FAP: variants seen among roughly 807,000 people sequenced by gnomAD.
FAP encodes fibroblast activation protein alpha.
A neutral mutation model predicts 126.5 loss-of-function variants in FAP; 110 were observed. That is an observed-to-expected ratio of 0.87 (90% confidence interval 0.74 to 1.02). FAP has a LOEUF of 1.02. FAP is among the 50% of genes least tolerant of loss of function. FAP has a pLI of 0.00. For synonymous variants in FAP, 334 were observed against 297.3 expected (o/e 1.12, Z -1.27); for missense variants, 919 against 909.2 (o/e 1.01, Z -0.14).
chr2:162,215,213 T>G (rs1281869784), intron 10 of FAP, among the ~76,000 whole-genome samples: 1 of 152,226 alleles, frequency 6.6e-6, no homozygotes, highest in Non-Finnish European at 1.5e-5. Flanking sequence ...TTGGCTCTTC[T>G]TCGTGAAGCA....
chr2:162,239,204 G>T (rs1457733164), intron 2 of FAP, among the ~76,000 whole-genome samples: 2 of 151,552 alleles, frequency 1.3e-5, no homozygotes, highest in Non-Finnish European at 2.9e-5. Context: ...GCTAATTTTT[G>T]TATTTTTTTT....
chr2:162,233,336 A>G (rs1689976406), intron 2 of FAP, among the ~76,000 whole-genome samples: 1 of 151,712 alleles, frequency 6.6e-6, no homozygotes, highest in African/African-American at 2.4e-5. Context: ...AACCCTGTCT[A>G]CTGCTTGTCT....
rs1687918393 is a variant in FAP at position 162,188,202 on chromosome 2, A to G, written c.1781T>C (p.Val594Ala). The change falls in exon 20 of 26, where the codon GTT becomes GCT. Residue 594 changes from valine to alanine, a missense_variant. Val to Ala is a moderately conservative substitution (Grantham distance 64, BLOSUM62 0). Transcript: ENST00000188790. ...TGTAATCTGGTCTTCAACTTCATAA[A>G]CACCCAGCTTTCGATACACTGCATA... is the stretch of plus-strand genomic sequence containing the variant. ...LLYAVYRKLG[V>A]YEVEDQITAV... 16 of 1,613,122 alleles carry G rather than the reference A, an allele frequency of 9.9e-6. No individual in the cohort carries two copies. Among genetic ancestry groups the G allele is most frequent in the Non-Finnish European group, 1.4e-5 (16 of 1,179,346 alleles).
Position 162,202,961 on chromosome 2 carries a change from T to C in FAP, c.1153-19A>G. On this transcript the variant is annotated intron_variant, in intron 13 of 25. Transcript: ENST00000188790. ...CATTTTCCTATAAAAAGACAAACAT[T>C]ATGTTGTGTGAAACTGAGCGTTATT... is the stretch of plus-strand genomic sequence containing the variant. 6.2e-7 allele frequency: 1 copy of C among 1,610,368 alleles called. No homozygotes were observed.
At chr2:162,222,550 AT>A (rs948778435) in intron 6 of FAP, among the ~76,000 whole-genome samples, 2 of 151,972 alleles carry the variant, frequency 1.3e-5, no homozygotes, top group African/African-American at 2.4e-5. Context: ...AGACCAGAAG[AT>A]TTTTTTTCAA....
intron 2 of FAP, among the ~76,000 whole-genome samples, chr2:162,234,257 G>C (rs1690014424): frequency 6.6e-6 from 1 of 152,156 alleles, no homozygotes; most frequent in South Asian, 2.1e-4. Flanking sequence ...AGCTATCCAG[G>C]ATTTGGATAG....
chr2:162,208,246 T>G (rs1300202652), intron 12 of FAP, among the ~76,000 whole-genome samples: 1 of 150,494 alleles, frequency 6.6e-6, no homozygotes, highest in South Asian at 2.1e-4. Flanking sequence ...CAGAGTGAGA[T>G]TCCGTCTTAA....
At chr2:162,237,854 C>A (rs1690200830) in intron 2 of FAP, among the ~76,000 whole-genome samples, 1 of 152,186 alleles carries the variant, frequency 6.6e-6, no homozygotes, top group Admixed American at 6.5e-5. Context: ...TCCTCTCCAG[C>A]ATCTGTTGTT....
chr2:162,219,877 G>A lies in FAP; in HGVS notation c.462C>T (p.Cys154=), dbSNP rs1269892081. 6.2e-7 allele frequency: 1 copy of A among 1,611,734 alleles called. No individual in the cohort carries two copies. The highest frequency in any genetic ancestry group is 8.5e-7 in the Non-Finnish European group (1 of 1,178,162). Residue 154 remains cysteine (C), a synonymous_variant, in exon 7 of 26, where the codon TGC becomes TGT. Transcript: ENST00000188790. ...CTAATTTACTCCCAACAGGCGACCA[G>A]CATAAATACTGAATTGGACGAGGAA... is the stretch of plus-strand genomic sequence containing the variant. The part of the protein sequence containing the change: ...NELPRPIQYL[C]WSPVGSKLAY...
chr2:162,199,370 T>G (rs1421021356), intron 15 of FAP, among the ~76,000 whole-genome samples: 1 of 152,228 alleles, frequency 6.6e-6, no homozygotes, highest in Non-Finnish European at 1.5e-5. Context: ...CAGTTCTAAG[T>G]GCCTTCTGCG....
intron 2 of FAP, among the ~76,000 whole-genome samples, chr2:162,229,301 T>C (rs1689794790): frequency 6.6e-6 from 1 of 152,158 alleles, no homozygotes; most frequent in Admixed American, 6.5e-5. Flanking sequence ...CCTTTTAGCA[T>C]TATCGTAACT....
intron 6 of FAP, 107 bp downstream of exon 6, chr2:162,223,501 C>A: frequency 2.7e-6 from 2 of 745,496 alleles, no homozygotes; most frequent in Non-Finnish European, 4.6e-6. Context: ...AAGTAAGAAA[C>A]AAAGATCATT....
intron 16 of FAP, among the ~76,000 whole-genome samples, chr2:162,196,139 C>T (rs897065532): frequency 2.6e-5 from 4 of 152,118 alleles, no homozygotes; most frequent in African/African-American, 7.2e-5. Flanking sequence ...AAGTATAATT[C>T]TGGGATGCAA....
At chr2:162,214,906 A>T (rs374185566) in intron 10 of FAP, among the ~76,000 whole-genome samples, 1 of 152,178 alleles carries the variant, frequency 6.6e-6, no homozygotes, top group Non-Finnish European at 1.5e-5. Flanking sequence ...TGTCTGCTAC[A>T]TGATGAGTGT....
At position 162,188,265 on chromosome 2, in the gene FAP, T is replaced by G; in HGVS notation, c.1718A>C (p.Asp573Ala). The G allele has an allele frequency of 6.2e-7, 1 of 1,613,246 alleles. No homozygotes were observed. The highest frequency in any genetic ancestry group is 1.3e-5 in the African/African-American group (1 of 74,926). The change falls in exon 20 of 26, where the codon GAT becomes GCT. Residue 573 changes from aspartate to alanine, a missense_variant. Asp to Ala is a moderately radical substitution (Grantham distance 126). Transcript: ENST00000188790. ...SKEGMVIALV[D>A]GRGTAFQGDK... ...ACCTTGGAAAGCTGTTCCTCGACCATCCACCAAGGCAATGACCATCCCTTC... is the reference window on the plus strand; with the variant it reads ...ACCTTGGAAAGCTGTTCCTCGACCAGCCACCAAGGCAATGACCATCCCTTC...
intron 17 of FAP, chr2:162,193,575 A>T (rs1366790492): frequency 1.3e-5 from 2 of 152,184 alleles, no homozygotes; most frequent in Admixed American, 1.3e-4. Flanking sequence ...AGTGATTTCT[A>T]TTAAAACAAA....
At chr2:162,197,160 A>G (rs1293959636) in intron 16 of FAP, among the ~76,000 whole-genome samples, 1 of 152,218 alleles carries the variant, frequency 6.6e-6, no homozygotes, top group Admixed American at 6.5e-5. Context: ...GCATCAGCAT[A>G]AAACCAGCTT....
intron 19 of FAP, 106 bp downstream of exon 19, chr2:162,188,997 A>C: frequency 6.9e-6 from 4 of 580,948 alleles, no homozygotes. Flanking sequence ...AACAGCATCA[A>C]TAGGCACTGT....
chr2:162,206,678 A>C (rs1347337597), intron 12 of FAP, among the ~76,000 whole-genome samples: 1 of 152,208 alleles, frequency 6.6e-6, no homozygotes, highest in Non-Finnish European at 1.5e-5. Context: ...GTTTCCTTTG[A>C]TTAACTCTTC....
Sources: allele counts gnomAD v4.1 joint callset (sites outside exome capture counted in the v4.1 genomes callset), GRCh38; gene constraint gnomAD v4.1.1; transcripts MANE v1.5; gene names NCBI Gene and HGNC (gene_info 2026-07-23, HGNC 2026-07-21).